The following GMDS variants were observed in gnomAD, a reference collection of about 807,000 sequenced individuals.
The protein encoded by GMDS is GDP-mannose 4,6 dehydratase.
GMDS carries 20 observed loss-of-function variants against 49.9 expected under a neutral mutation model. The observed-to-expected ratio is 0.40, with a 90% CI of 0.28 to 0.58. The LOEUF (loss-of-function observed/expected upper bound fraction) is 0.58, where lower values mean the gene tolerates loss of function less well. GMDS is among the 20% of genes least tolerant of loss of function. The probability of loss-of-function intolerance (pLI) is 0.42; values close to 1 mark genes in which losing one functional copy is unlikely to be tolerated. For missense variants in GMDS, 362 were observed against 481.4 expected, an observed-to-expected ratio of 0.75 and a Z score of 2.32; for synonymous variants, 177 against 178.6, an observed-to-expected ratio of 0.99 and a Z score of 0.07.
rs527303171 is a variant in GMDS at position 1,841,611 on chromosome 6, G to A, written c.771+88492C>T. On this transcript the variant is annotated intron_variant, in intron 7 of 10. Transcript: ENST00000380815. Reference sequence around the variant, plus strand: ...AAGGGGACGCTATTAATATCAGAATGGGTAACACAACAAATTAACAATATT... The same window carrying A: ...AAGGGGACGCTATTAATATCAGAATAGGTAACACAACAAATTAACAATATT... Among the ~76,000 whole-genome samples the A allele has an allele frequency of 5.9e-5, 9 of 152,262 alleles. No individual in the cohort carries two copies. The South Asian group carries it at 1.7e-3, about 28-fold the overall frequency.
intron 4 of GMDS, among the ~76,000 whole-genome samples, chr6:2,113,648 C>T (rs1774679619): frequency 6.6e-6 from 1 of 152,072 alleles, no homozygotes; most frequent in East Asian, 1.9e-4. Context: ...TCGGTTCCGC[C>T]TCGCACTATC....
intron 6 of GMDS, among the ~76,000 whole-genome samples, chr6:1,952,646 G>T (rs1048398059): frequency 5.3e-5 from 8 of 152,044 alleles, no homozygotes; most frequent in Non-Finnish European, 1.0e-4. Flanking sequence ...GGTAGTGATG[G>T]ATCTGTTGCA....
At chr6:1,989,345 T>C (rs1451002315) in intron 4 of GMDS, among the ~76,000 whole-genome samples, 5 of 152,090 alleles carry the variant, frequency 3.3e-5, no homozygotes, top group Admixed American at 3.3e-4. Flanking sequence ...TGCAAATTCC[T>C]ACATCAGAAC....
At chr6:1,827,742 AT>A (rs557872047) in intron 7 of GMDS, among the ~76,000 whole-genome samples, 28 of 152,206 alleles carry the variant, frequency 1.8e-4, no homozygotes, top group Admixed American at 2.6e-4. Context: ...ACCTCACAAG[AT>A]CTTAAGATTT....
At chr6:1,645,279 A>T (rs1357402534) in intron 9 of GMDS, among the ~76,000 whole-genome samples, 4 of 151,944 alleles carry the variant, frequency 2.6e-5, no homozygotes, top group African/African-American at 9.7e-5. Flanking sequence ...CCTTCCCCAA[A>T]CTGAATGCAA....
chr6:2,050,387 T>G (rs1770309239), intron 4 of GMDS, among the ~76,000 whole-genome samples: 1 of 152,092 alleles, frequency 6.6e-6, no homozygotes, highest in Non-Finnish European at 1.5e-5. Context: ...CAATAATTAA[T>G]AGACTACCAA....
intron 4 of GMDS, among the ~76,000 whole-genome samples, chr6:1,996,563 G>C (rs1766294428): frequency 6.6e-6 from 1 of 152,086 alleles, no homozygotes; most frequent in African/African-American, 2.4e-5. Flanking sequence ...CAATTACTAG[G>C]GACGTTATTT....
chr6:1,857,360 C>G (rs995579474), intron 7 of GMDS, among the ~76,000 whole-genome samples: 1 of 152,174 alleles, frequency 6.6e-6, no homozygotes, highest in Non-Finnish European at 1.5e-5. Flanking sequence ...AGCCCATGAA[C>G]CATGAATAAG....
chr6:1,728,898 T>A (rs2113448837), intron 8 of GMDS, among the ~76,000 whole-genome samples: 1 of 151,958 alleles, frequency 6.6e-6, no homozygotes, highest in Admixed American at 6.6e-5. Flanking sequence ...CTTCTTTTTT[T>A]AAACCACGCT....
At chr6:1,963,777 C>A (rs1764106311) in intron 4 of GMDS, among the ~76,000 whole-genome samples, 1 of 152,180 alleles carries the variant, frequency 6.6e-6, no homozygotes, top group Non-Finnish European at 1.5e-5. Context: ...GTAGTGGCCA[C>A]TGAGCAGATC....
intron 7 of GMDS, among the ~76,000 whole-genome samples, chr6:1,909,434 A>C (rs1433770965): frequency 6.6e-6 from 1 of 152,242 alleles, no homozygotes; most frequent in East Asian, 1.9e-4. Context: ...CTATGTCAAC[A>C]ACCAGATGCT....
chr6:2,107,257 C>G (rs1467748785), intron 4 of GMDS, among the ~76,000 whole-genome samples: 10 of 152,174 alleles, frequency 6.6e-5, no homozygotes, highest in Non-Finnish European at 1.5e-5. Context: ...TGTTCTCTCT[C>G]ATATAAATTC....
At position 1,959,905 on chromosome 6, in the gene GMDS, A is replaced by G; in HGVS notation, c.605T>C (p.Val202Ala). 3.1e-6 allele frequency: 5 copies of G among 1,610,610 alleles called. No homozygotes were observed. Among genetic ancestry groups the G allele is most frequent in the Non-Finnish European group, 4.2e-6 (5 of 1,178,042 alleles). Reference protein sequence around the residue: ...NFREAYNLFAVNGILFNHESP... With the variant: ...NFREAYNLFAANGILFNHESP... ...CTCATGATTGAAGAGAATGCCGTTC[A>G]CTGCAAAGAGATTATACGCCTCACG... Residue 202 changes from valine to alanine, a missense_variant, in exon 6 of 11, where the codon GTG becomes GCG. By Grantham distance (64) the Val-to-Ala change is moderately conservative (BLOSUM62 0). Coordinates refer to ENST00000380815, the MANE Select transcript of GMDS (RefSeq NM_001500.4).
intron 4 of GMDS, among the ~76,000 whole-genome samples, chr6:1,999,319 TCAAA>T (rs1561960543): frequency 3.8e-5 from 4 of 105,586 alleles, no homozygotes; most frequent in East Asian, 3.5e-4. Flanking sequence ...AGACTCTGTC[TCAAA>T]AAAAAAAAAA....
intron 9 of GMDS, among the ~76,000 whole-genome samples, chr6:1,715,774 A>G (rs1159355220): frequency 1.3e-5 from 2 of 152,238 alleles, no homozygotes; most frequent in South Asian, 2.1e-4. Context: ...AATGCAAGCT[A>G]GTAGGACATA....
chr6:2,223,099 A>AAATCAATC lies in GMDS; in HGVS notation c.102+22214_102+22221dup, dbSNP rs150773580. Among the ~76,000 whole-genome samples the AAATCAATC allele has an allele frequency of 1.7e-4, 25 of 151,292 alleles. No individual in the cohort carries two copies. In the South Asian group the frequency reaches 3.1e-3, roughly 19 times the overall value. ...CACAATGACATGAACCAATTCCTTC[A>AAATCAATC]AATCAATCAATCAATCAATCAATCA... On this transcript the variant is annotated intron_variant, in intron 1 of 10. Coordinates refer to ENST00000380815, the MANE Select transcript of GMDS (RefSeq NM_001500.4).
intron 7 of GMDS, among the ~76,000 whole-genome samples, chr6:1,768,608 T>A (rs1258514480): frequency 6.6e-6 from 1 of 152,224 alleles, no homozygotes. Flanking sequence ...AAATCTGAAA[T>A]GTTCCAAAAT....
At chr6:2,065,420 G>A (rs978253143) in intron 4 of GMDS, among the ~76,000 whole-genome samples, 16 of 152,370 alleles carry the variant, frequency 1.1e-4, no homozygotes, top group Admixed American at 7.2e-4. Flanking sequence ...AAAGCTGGAT[G>A]GAGAATGACT....
chr6:1,867,411 T>C (rs985771398), intron 7 of GMDS, among the ~76,000 whole-genome samples: 17 of 152,214 alleles, frequency 1.1e-4, no homozygotes, highest in Admixed American at 3.9e-4. Context: ...TAACGATCGG[T>C]AGGATGATGT....
Sources: gnomAD v4.1 joint callset for allele counts (sites outside exome capture counted in the v4.1 genomes callset) on GRCh38, gnomAD v4.1.1 for gene constraint, MANE v1.5 for transcripts, NCBI Gene and HGNC (gene_info 2026-07-23, HGNC 2026-07-21) for gene names.